The following AIFM3 variants were observed in gnomAD, a reference collection of about 807,000 sequenced individuals.
The protein encoded by AIFM3 is AIF family member 3.
A neutral mutation model predicts 82.7 loss-of-function variants in AIFM3; 71 were observed. The observed-to-expected ratio is 0.86, with a 90% confidence interval of 0.71 to 1.05. The LOEUF (loss-of-function observed/expected upper bound fraction) is 1.05. Ranked by LOEUF, AIFM3 falls within the 50% of genes least tolerant of loss-of-function variation. The pLI, the probability that AIFM3 is intolerant of heterozygous loss-of-function variation, is 0.00. For synonymous variants in AIFM3, 337 were observed against 329.1 expected, an observed-to-expected ratio of 1.02 and a Z score of -0.26; for missense variants, 748 against 816.7, an observed-to-expected ratio of 0.92 and a Z score of 1.03.
At chr22:20,980,244 C>A (rs1301382637) in intron 19 of AIFM3, 120 bp downstream of exon 19, 9 of 860,434 alleles carry the variant, frequency 1.0e-5, no homozygotes, top group Middle Eastern at 3.0e-4. Flanking sequence ...TGGTTTGCAT[C>A]GCCTGAGGCT....
intron 19 of AIFM3, 72 bp downstream of exon 19, chr22:20,980,196 C>G: frequency 7.2e-7 from 1 of 1,386,748 alleles, no homozygotes; most frequent in Non-Finnish European, 9.9e-7. Flanking sequence ...CCTATGACAG[C>G]CAGCCGCCCC....
At chr22:20,969,042 G>T (rs1219981601) in intron 2 of AIFM3, among the ~76,000 whole-genome samples, 1 of 152,212 alleles carries the variant, frequency 6.6e-6, no homozygotes, top group East Asian at 1.9e-4. Flanking sequence ...GGCCTGGGCT[G>T]GATCCCTCTC....
chr22:20,969,336 T>G (rs1203539222), intron 2 of AIFM3, among the ~76,000 whole-genome samples: 1 of 152,182 alleles, frequency 6.6e-6, no homozygotes, highest in African/African-American at 2.4e-5. Flanking sequence ...TGTGTGGCCT[T>G]GGGCAGGTGA....
chr22:20,972,317 G>A (rs764846237), intron 2 of AIFM3, among the ~76,000 whole-genome samples: 4 of 151,336 alleles, frequency 2.6e-5, no homozygotes, highest in East Asian at 1.9e-4. Flanking sequence ...CAGGAGAATC[G>A]CTTGAACCTG....
At chr22:20,977,803 G>A (rs761869414) in intron 15 of AIFM3, 27 bp downstream of exon 15, 1 of 1,613,936 alleles carries the variant, frequency 6.2e-7, no homozygotes, top group South Asian at 1.1e-5. Flanking sequence ...TGGGTGGGGA[G>A]GACCCGGTGC....
chr22:20,974,908 C>T (rs947244933), intron 8 of AIFM3, 92 bp downstream of exon 8: 89 of 1,266,952 alleles, frequency 7.0e-5, no homozygotes, highest in East Asian at 1.5e-4. Flanking sequence ...GGGGTCTGGC[C>T]GGCTGCCCTC....
At position 20,977,982 on chromosome 22, in the gene AIFM3, A is replaced by T; in HGVS notation, c.1454A>T (p.His485Leu). The T allele has an allele frequency of 6.2e-7, 1 of 1,614,114 alleles. No homozygotes were observed. Among genetic ancestry groups the T allele is most frequent in the South Asian group, 1.1e-5 (1 of 91,084 alleles). Reference sequence around the variant, plus strand: ...AACAACCGCAAAGTGAACATTCCACATTGGCAGATGGCTCATGCTCAGGGT... The same window carrying T: ...AACAACCGCAAAGTGAACATTCCACTTTGGCAGATGGCTCATGCTCAGGGT... The part of the protein sequence containing the change: ...WRNNRKVNIP[H>L]WQMAHAQGRV... The change falls in exon 16 of 21, where the codon CAT becomes CTT. Residue 485 changes from histidine (H) to leucine (L), a missense_variant. By Grantham distance (99) the His-to-Leu change is moderately conservative. Transcript: ENST00000440238.
At chr22:20,967,674 G>C (rs933640077) in intron 1 of AIFM3, 131 bp from the exon 2 acceptor site, 1 of 557,394 alleles carries the variant, frequency 1.8e-6, no homozygotes, top group Admixed American at 3.4e-5. Flanking sequence ...CACGCTCTGG[G>C]ATCAGGCTCA....
chr22:20,973,600 G>A (rs929308635), intron 3 of AIFM3, 80 bp downstream of exon 3: 10 of 1,423,130 alleles, frequency 7.0e-6, no homozygotes, highest in Non-Finnish European at 9.1e-6. Flanking sequence ...GGGGGTCGGG[G>A]TTGGCCTGAA....
intron 2 of AIFM3, among the ~76,000 whole-genome samples, chr22:20,972,331 G>C (rs1275773016): frequency 1.3e-5 from 2 of 151,452 alleles, no homozygotes; most frequent in African/African-American, 4.9e-5. Context: ...GAACCTGGGA[G>C]GGGGAAGTTG....
At chr22:20,971,352 T>C (rs1323506630) in intron 2 of AIFM3, among the ~76,000 whole-genome samples, 1 of 152,208 alleles carries the variant, frequency 6.6e-6, no homozygotes, top group Non-Finnish European at 1.5e-5. Flanking sequence ...CCTGCTGGGC[T>C]GGGGTCAAGG....
At chr22:20,980,724 TTC>T (rs762151034) in intron 19 of AIFM3, 21 bp from the exon 20 acceptor site, 6 of 1,613,998 alleles carry the variant, frequency 3.7e-6, no homozygotes, top group African/African-American at 1.3e-5. Context: ...TTCTCTCCGT[TTC>T]TCTCTCTTGC....
At chr22:20,979,401 C>T in intron 17 of AIFM3, 32 bp downstream of exon 17, 1 of 1,045,084 alleles carries the variant, frequency 9.6e-7, no homozygotes, top group South Asian at 2.0e-5. Flanking sequence ...GGGGCGGGGC[C>T]GAGGGCGTTT....
At chr22:20,970,757 G>A (rs765925976) in intron 2 of AIFM3, among the ~76,000 whole-genome samples, 12 of 152,064 alleles carry the variant, frequency 7.9e-5, no homozygotes, top group Non-Finnish European at 1.5e-4. Context: ...CATCATTCCC[G>A]GCCAACTGGC....
intron 19 of AIFM3, 74 bp from the exon 20 acceptor site, chr22:20,980,673 C>A: frequency 6.2e-7 from 1 of 1,600,760 alleles, no homozygotes; most frequent in Non-Finnish European, 8.6e-7. Context: ...CAATGGAGGA[C>A]CAGAAGGGGA....
intron 11 of AIFM3, 46 bp from the exon 12 acceptor site, chr22:20,976,605 C>A: frequency 6.2e-7 from 1 of 1,612,800 alleles, no homozygotes; most frequent in South Asian, 1.1e-5. Context: ...AAGTTCTGGT[C>A]GAGGAAGGTG....
At chr22:20,977,846 G>GC (rs756871356) in intron 15 of AIFM3, 42 bp from the exon 16 acceptor site, 2 of 1,613,778 alleles carry the variant, frequency 1.2e-6, no homozygotes, top group African/African-American at 2.7e-5. Flanking sequence ...TCAGGTCAGG[G>GC]CCCCTGTCAC....
intron 9 of AIFM3, 152 bp from the exon 10 acceptor site, chr22:20,976,063 G>T: frequency 1.2e-6 from 1 of 854,210 alleles, no homozygotes; most frequent in Non-Finnish European, 1.8e-6. Flanking sequence ...GATGTCTGAA[G>T]CGTAAAGAAT....
chr22:20,976,126 T>G, intron 9 of AIFM3, 89 bp from the exon 10 acceptor site: 1 of 1,417,436 alleles, frequency 7.1e-7, no homozygotes, highest in African/African-American at 1.4e-5. Flanking sequence ...AGGCTGTGGC[T>G]GGGCTGTGGG....
Sources: allele counts gnomAD v4.1 joint callset (sites outside exome capture counted in the v4.1 genomes callset), GRCh38; gene constraint gnomAD v4.1.1; transcripts MANE v1.5; gene names NCBI Gene and HGNC (gene_info 2026-07-23, HGNC 2026-07-21).